The following SARDH variants were observed in gnomAD, a reference collection of about 807,000 sequenced individuals.
SARDH encodes the protein sarcosine dehydrogenase, mitochondrial.
In SARDH, 95 loss-of-function variants were observed where a neutral mutation model predicts 109.1. That is an observed-to-expected ratio of 0.87 (90% CI 0.74 to 1.03). The LOEUF is 1.03. Among genes scored for constraint, SARDH ranks in the 50% least tolerant of loss-of-function variants. The pLI, the probability that SARDH is intolerant of heterozygous loss-of-function variation, is 0.00. For synonymous variants in SARDH, 572 were observed against 534.8 expected, an observed-to-expected ratio of 1.07 and a Z score of -0.96; for missense variants, 1,267 against 1,287.8, an observed-to-expected ratio of 0.98 and a Z score of 0.25.
chr9:133,734,432 TTCATTCAC>T (rs1184004078), intron 1 of SARDH, among the ~76,000 whole-genome samples: 3 of 146,796 alleles, frequency 2.0e-5, no homozygotes, highest in African/African-American at 8.2e-5. Context: ...CATTCACTCA[TTCATTCAC>T]TCATTCATTC....
In SARDH at chr9:133,709,181, C is replaced by T. The variant is rs750847836; in HGVS notation, c.1329-753G>A. Among the ~76,000 whole-genome samples, 13 of 152,296 alleles carry T rather than the reference C, an allele frequency of 8.5e-5. No homozygotes were observed. Among genetic ancestry groups the T allele is most frequent in the African/African-American group, 2.6e-4 (11 of 41,558 alleles). On this transcript the variant is annotated intron_variant, in intron 10 of 20. Coordinates refer to ENST00000439388, the MANE Select transcript of SARDH (RefSeq NM_001134707.2). The surrounding 1 kb of genome is among the most constrained non-coding windows in gnomAD (Gnocchi z 4.2). ...CACAGTGTGCGGCCACGGCAGCCCC[C>T]GGTGGTGTCCAGCACGAACCCGGCG...
intron 6 of SARDH, among the ~76,000 whole-genome samples, chr9:133,724,802 C>T (rs751074936): frequency 3.3e-5 from 5 of 152,184 alleles, no homozygotes; most frequent in Non-Finnish European, 5.9e-5. Context: ...CAGAATACTC[C>T]AGTGAGCATT....
chr9:133,696,100 G>A, intron 14 of SARDH, 123 bp downstream of exon 14: 1 of 1,208,740 alleles, frequency 8.3e-7, no homozygotes, highest in Non-Finnish European at 1.2e-6. Context: ...AAAGCCAGGT[G>A]AGGGCAAGGA....
At chr9:133,661,647 A>C (rs1206737730), downstream of SARDH, among the ~76,000 whole-genome samples, 3 of 151,856 alleles carry the variant, frequency 2.0e-5, no homozygotes, top group East Asian at 3.9e-4. Flanking sequence ...ACGCCCAGCT[A>C]ATTTTGTGTT....
chr9:133,703,298 C>A (rs973227776), intron 12 of SARDH: 5 of 502,638 alleles, frequency 9.9e-6, no homozygotes, highest in African/African-American at 7.7e-5. Flanking sequence ...CTGGATGCAC[C>A]CAAGGTGGGG....
At chr9:133,664,435 C>A (rs181468236) in intron 20 of SARDH, among the ~76,000 whole-genome samples, 2 of 152,232 alleles carry the variant, frequency 1.3e-5, no homozygotes, top group African/African-American at 4.8e-5. Flanking sequence ...GCCTTCTAGA[C>A]AGCTTGGCCT....
chr9:133,695,424 CAG>C (rs1564261278), intron 14 of SARDH, among the ~76,000 whole-genome samples: 1 of 152,180 alleles, frequency 6.6e-6, no homozygotes, highest in Non-Finnish European at 1.5e-5. Flanking sequence ...GCCTGAGCGA[CAG>C]AGCGAGACTC....
chr9:133,731,044 T>C (rs1055376154), intron 4 of SARDH, among the ~76,000 whole-genome samples: 2 of 152,210 alleles, frequency 1.3e-5, no homozygotes, highest in African/African-American at 4.8e-5. Flanking sequence ...ATACAAATTA[T>C]AAGAAGGGCT....
intron 18 of SARDH, 29 bp downstream of exon 18, chr9:133,671,506 G>T (rs375531876): frequency 7.1e-7 from 1 of 1,414,108 alleles, no homozygotes; most frequent in Middle Eastern, 2.1e-4. Flanking sequence ...GCCCGCCCCC[G>T]CCCCGTGCTG....
In SARDH at chr9:133,712,589, C is replaced by T; in HGVS notation, c.1328+30G>A. 2 of 1,570,510 alleles carry T rather than the reference C, an allele frequency of 1.3e-6. No homozygotes were observed. The highest frequency in any genetic ancestry group is 8.7e-7 in the Non-Finnish European group (1 of 1,154,258). On this transcript the variant is annotated intron_variant, in intron 10 of 20. Coordinates refer to ENST00000439388, the MANE Select transcript of SARDH (RefSeq NM_001134707.2). The surrounding 1 kb of genome is among the most constrained non-coding windows in gnomAD (Gnocchi z 4.1). ...CACGCCACCTGTCCTGAGTGGCGGG[C>T]CCTGCCCTTAGGTCCCAATGGGCAC...
intron 16 of SARDH, among the ~76,000 whole-genome samples, chr9:133,688,520 C>T (rs754089069): frequency 6.6e-6 from 1 of 152,100 alleles, no homozygotes; most frequent in Non-Finnish European, 1.5e-5. Flanking sequence ...GCCCCCTGCC[C>T]GCTGACCCAA....
intron 11 of SARDH, among the ~76,000 whole-genome samples, chr9:133,707,852 C>T (rs1025158040): frequency 2.0e-5 from 3 of 152,138 alleles, no homozygotes; most frequent in Non-Finnish European, 4.4e-5. Context: ...AGTCGAAGCT[C>T]ACCAGGGCAG....
chr9:133,702,833 A>AGGGGCTCCCCTCCCCCAGGAGTCTCTTCG, intron 13 of SARDH, 83 bp downstream of exon 13: 1 of 1,278,398 alleles, frequency 7.8e-7, no homozygotes, highest in Non-Finnish European at 1.1e-6. Flanking sequence ...GAGCCCCTGC[A>AGGGGCTCCCCTCCCCCAGGAGTCTCTTCG]GGGCCAGCCG....
At chr9:133,700,425 C>T (rs564567983) in intron 13 of SARDH, among the ~76,000 whole-genome samples, 8 of 152,070 alleles carry the variant, frequency 5.3e-5, no homozygotes, top group African/African-American at 1.2e-4. Context: ...GAGAATATCA[C>T]GCTAAGTGGA....
At chr9:133,719,676 C>T (rs958433779) in intron 6 of SARDH, among the ~76,000 whole-genome samples, 2 of 121,776 alleles carry the variant, frequency 1.6e-5, no homozygotes, top group Non-Finnish European at 3.2e-5. Flanking sequence ...TTCTGTGAGA[C>T]ACTGAGAGGC....
intron 6 of SARDH, among the ~76,000 whole-genome samples, chr9:133,725,981 C>T (rs1379437802): frequency 6.6e-6 from 1 of 152,150 alleles, no homozygotes; most frequent in Admixed American, 6.5e-5. Context: ...TCCCTCTCCG[C>T]CAGGATCCCA....
intron 16 of SARDH, among the ~76,000 whole-genome samples, chr9:133,685,504 C>T (rs1830854015): frequency 6.6e-6 from 1 of 152,224 alleles, no homozygotes; most frequent in Admixed American, 6.5e-5. Flanking sequence ...GCTAGCAGGA[C>T]CCCTGGGGGA....
At chr9:133,675,897 C>G (rs1830494094) in intron 17 of SARDH, among the ~76,000 whole-genome samples, 1 of 152,114 alleles carries the variant, frequency 6.6e-6, no homozygotes, top group Admixed American at 6.5e-5. Flanking sequence ...CTGAGACCAG[C>G]CTGGGCAACA....
At chr9:133,727,330 G>A (rs1480389524) in intron 6 of SARDH, among the ~76,000 whole-genome samples, 1 of 152,234 alleles carries the variant, frequency 6.6e-6, no homozygotes, top group African/African-American at 2.4e-5. Context: ...TCACCTGCCA[G>A]CTGGAGCCCC....
Sources: gnomAD v4.1 joint callset for allele counts (sites outside exome capture counted in the v4.1 genomes callset) on GRCh38, gnomAD v4.1.1 for gene constraint, Gnocchi (gnomAD v3.1) non-coding constraint, MANE v1.5 for transcripts, NCBI Gene and HGNC (gene_info 2026-07-23, HGNC 2026-07-21) for gene names.